CCDC9B: variants seen among roughly 807,000 people sequenced by gnomAD.
The protein encoded by CCDC9B is coiled-coil domain containing 9B, also known as coiled-coil domain-containing protein 9B.
CCDC9B carries 40 observed loss-of-function variants against 47.2 expected under a neutral mutation model. The observed-to-expected ratio is 0.85, with a 90% CI of 0.66 to 1.10. CCDC9B has a LOEUF of 1.10. Ranked by LOEUF, CCDC9B falls within the 50% of genes least tolerant of loss-of-function variation. CCDC9B has a pLI of 0.00. For missense variants in CCDC9B, 662 were observed against 651.0 expected (o/e 1.02, Z -0.18); for synonymous variants, 238 against 250.7 (o/e 0.95, Z 0.48).
intron 2 of CCDC9B, 71 bp from the exon 3 acceptor site, chr15:40,339,690 C>A (rs1007668642): frequency 6.3e-7 from 1 of 1,595,612 alleles, no homozygotes; most frequent in Non-Finnish European, 8.5e-7. Context: ...GCTGATAGGC[C>A]TACACAGAGA....
At chr15:40,338,131 A>G in intron 5 of CCDC9B, 1 of 723,620 alleles carries the variant, frequency 1.4e-6, no homozygotes, top group Non-Finnish European at 2.6e-6. Context: ...TCTCCGTAGC[A>G]CCAACCCACA....
intron 6 of CCDC9B, 116 bp from the exon 7 acceptor site, chr15:40,337,562 G>C: frequency 5.9e-6 from 7 of 1,195,044 alleles, no homozygotes; most frequent in Non-Finnish European, 8.1e-6. Flanking sequence ...GAGATGGTGG[G>C]CCCAAGAAAG....
chr15:40,338,384 C>G, intron 5 of CCDC9B, 151 bp downstream of exon 5: 1 of 917,576 alleles, frequency 1.1e-6, no homozygotes, highest in Non-Finnish European at 1.7e-6. Context: ...AAAGTAGAGA[C>G]TGGCCAGAGA....
chr15:40,339,585 C>G lies in CCDC9B; in HGVS notation c.158G>C (p.Gly53Ala), dbSNP rs532044322. 33 of 1,613,732 alleles carry G rather than the reference C, an allele frequency of 2.0e-5. No individual in the cohort carries two copies. In the African/African-American group the frequency reaches 3.9e-4, roughly 19 times the overall value. The stretch of plus-strand genomic sequence containing the variant: ...TGCTGGTGTGGTCACAGCCATCCCC[C>G]CCTGCTCTGCCTGCCGACGGTCCTC... ...IQEDRRQAEQ[G>A]GMAVTTPALL... Residue 53 changes from glycine to alanine, a missense_variant, in exon 3 of 11, where the codon GGG becomes GCG. Coordinates refer to ENST00000397536, the MANE Select transcript of CCDC9B (RefSeq NM_207380.3).
rs1354886641 is a variant in CCDC9B at position 40,336,767 on chromosome 15, A to C, written c.789T>G (p.Asp263Glu). The C allele has an allele frequency of 1.9e-6, 3 of 1,599,768 alleles. No homozygotes were observed. The highest frequency in any genetic ancestry group is 2.6e-6 in the Non-Finnish European group (3 of 1,174,058). ...TCCTCCTCCCCAACTCACCTTTTCC[A>C]TCAGGGAGCAATGGTGGGGGCTGTA... ...QKLQPPPLLPDGKGRGGQASR... is the reference protein window; with the variant it reads ...QKLQPPPLLPEGKGRGGQASR... Residue 263 changes from aspartate to glutamate, a missense_variant, in exon 8 of 11, where the codon GAT becomes GAG. Asp to Glu is a conservative substitution (Grantham distance 45, BLOSUM62 2). Transcript: ENST00000397536.
chr15:40,334,971 T>C lies in CCDC9B; in HGVS notation c.*187A>G. ...GTGAAAACACACATGTGCACAGAGATGAGCGTGTGAGGTGCAGGGAGGCCA... is the reference window on the plus strand; with the variant it reads ...GTGAAAACACACATGTGCACAGAGACGAGCGTGTGAGGTGCAGGGAGGCCA... On this transcript the variant is annotated 3_prime_UTR_variant, in exon 11 of 11. Coordinates refer to ENST00000397536, the MANE Select transcript of CCDC9B (RefSeq NM_207380.3). The C allele has an allele frequency of 2.0e-6, 1 of 499,752 alleles. No individual in the cohort carries two copies. Among genetic ancestry groups the C allele is most frequent in the Non-Finnish European group, 3.5e-6 (1 of 282,732 alleles). 31.0% of individuals were successfully genotyped at this position (499,752 alleles called of 1,614,324 possible). A position where few individuals can be genotyped will look rare whatever the true frequency, so the allele number is the denominator to read the frequency against.
chr15:40,337,511 C>A (rs1263163635), intron 6 of CCDC9B, 65 bp from the exon 7 acceptor site: 8 of 1,407,136 alleles, frequency 5.7e-6, no homozygotes, highest in African/African-American at 1.4e-5. Context: ...ACCCTGACAC[C>A]CCCCTCCCCG....
chr15:40,339,536 G>T lies in CCDC9B; in HGVS notation c.207C>A (p.Thr69=). 1 of 1,613,660 alleles carries T rather than the reference G, an allele frequency of 6.2e-7. No homozygotes were observed. Among genetic ancestry groups the T allele is most frequent in the Non-Finnish European group, 8.5e-7 (1 of 1,179,792 alleles). The change falls in exon 3 of 11, where the codon ACC becomes ACA. Residue 69 remains threonine, a synonymous_variant. Transcript: ENST00000397536. The part of the protein sequence containing the change: ...TPALLQPDGL[T]VTISQVPGEK... ...CACCGGGAACCTGGCTGATGGTAAC[G>T]GTGAGGCCATCAGGCTGGAGGAGTG...
intron 9 of CCDC9B, chr15:40,336,185 C>T: frequency 1.0e-6 from 1 of 985,468 alleles, no homozygotes; most frequent in Non-Finnish European, 1.2e-6. Context: ...CCCACCAAGC[C>T]TGACCTTGTT....
In CCDC9B at chr15:40,339,622, G is replaced by T; in HGVS notation, c.124-3C>A. On this transcript the variant is annotated splice_region_variant and splice_polypyrimidine_tract_variant and intron_variant, in intron 2 of 10. Coordinates refer to ENST00000397536, the MANE Select transcript of CCDC9B (RefSeq NM_207380.3). Reference sequence around the variant, plus strand: ...TGCCGACGGTCCTCCTGGATCTCCTGTGGGAGGGCTGGGGGTCAGCACACG... The same window carrying T: ...TGCCGACGGTCCTCCTGGATCTCCTTTGGGAGGGCTGGGGGTCAGCACACG... 5 of 1,612,774 alleles carry T rather than the reference G, an allele frequency of 3.1e-6. No homozygotes were observed. Among genetic ancestry groups the T allele is most frequent in the East Asian group, 2.2e-5 (1 of 44,848 alleles).
intron 9 of CCDC9B, chr15:40,336,278 C>G: frequency 2.0e-6 from 2 of 985,440 alleles, no homozygotes; most frequent in Non-Finnish European, 2.4e-6. Flanking sequence ...GCCAAACTTG[C>G]AGCACCTTGA....
rs759512290 is a variant in CCDC9B at position 40,335,609 on chromosome 15, G to A, written c.1022C>T (p.Ala341Val). The A allele has an allele frequency of 6.7e-7, 1 of 1,500,130 alleles. No individual in the cohort carries two copies. 92.9% of individuals were successfully genotyped at this position (1,500,130 alleles called of 1,614,324 possible). ...MEQGRLGSAP[A>V]ASPALASPEG... ...TGGGGATGCCAGGGCTGGGCTGGCT[G>A]CAGGGGCGCTCCCCAGTCGGCCCTG... Residue 341 changes from alanine (A) to valine (V), a missense_variant, in exon 11 of 11, where the codon GCA (alanine) becomes GTA (valine). Physicochemically the swap from Ala to Val is moderately conservative, Grantham distance 64 (BLOSUM62 0). Transcript: ENST00000397536.
At chr15:40,337,688 C>G in intron 6 of CCDC9B, 36 bp downstream of exon 6, 1 of 1,561,284 alleles carries the variant, frequency 6.4e-7, no homozygotes, top group Non-Finnish European at 8.6e-7. Flanking sequence ...AGCTCCATCC[C>G]GCACCACAGG....
Position 40,339,952 on chromosome 15 carries a change from T to C in CCDC9B, c.76A>G (p.Ile26Val), listed in dbSNP as rs1209064576. ...QEKDAELDRR[I>V]VALRKKNQAL... ...TGGTTCTTCTTGCGCAGGGCAACTATCCTCCGATCCAGCTCTGCGTCCTTC... is the reference window on the plus strand; with the variant it reads ...TGGTTCTTCTTGCGCAGGGCAACTACCCTCCGATCCAGCTCTGCGTCCTTC... Residue 26 changes from isoleucine (I) to valine (V), a missense_variant, in exon 2 of 11, where the codon ATA becomes GTA. By Grantham distance (29) the Ile-to-Val change is conservative (BLOSUM62 3). Transcript: ENST00000397536. The C allele has an allele frequency of 6.2e-7, 1 of 1,613,900 alleles. No homozygotes were observed. Among genetic ancestry groups the C allele is most frequent in the Non-Finnish European group, 8.5e-7 (1 of 1,179,936 alleles).
intron 7 of CCDC9B, chr15:40,337,108 T>G: frequency 1.6e-6 from 1 of 614,786 alleles, no homozygotes; most frequent in Non-Finnish European, 2.9e-6. Flanking sequence ...CCACCAGGAC[T>G]TTCACCCTTT....
chr15:40,340,852 A>G lies in CCDC9B; in HGVS notation c.-33T>C, dbSNP rs1234236273. ...GCGGGCACCGAGAGAATTCCAGAGC[A>G]GCCCCTGGGGAGCCAGAGTGGGAGG... is the stretch of plus-strand genomic sequence containing the variant. On this transcript the variant is annotated 5_prime_UTR_variant, in exon 1 of 11. Coordinates refer to ENST00000397536, the MANE Select transcript of CCDC9B (RefSeq NM_207380.3). 1.2e-6 allele frequency: 2 copies of G among 1,608,636 alleles called. No homozygotes were observed. The highest frequency in any genetic ancestry group is 1.7e-5 in the Admixed American group (1 of 59,524).
rs965303715 is a variant in CCDC9B at position 40,340,694 on chromosome 15, C to T, written c.12+114G>A. The T allele has an allele frequency of 5.1e-6, 5 of 975,814 alleles. No individual in the cohort carries two copies. The East Asian group carries it at 1.1e-4, about 21-fold the overall frequency. 60.4% of individuals were successfully genotyped at this position (975,814 alleles called of 1,614,324 possible). The stretch of plus-strand genomic sequence containing the variant: ...TTCTCTGTTGTGACCCTAGTCACAG[C>T]CTTCTTCCTCCCAGCCCCAGCTGTC... On this transcript the variant is annotated intron_variant, in intron 1 of 10. Transcript: ENST00000397536.
intron 7 of CCDC9B, chr15:40,337,184 C>G (rs1015497264): frequency 7.1e-6 from 5 of 707,662 alleles, no homozygotes; most frequent in Non-Finnish European, 1.3e-5. Flanking sequence ...CTGCTCAGAA[C>G]CTGGACAAGA....
At chr15:40,337,167 G>A in intron 7 of CCDC9B, 1 of 674,134 alleles carries the variant, frequency 1.5e-6, no homozygotes, top group Non-Finnish European at 2.7e-6. Flanking sequence ...CCTCCTTCTG[G>A]GGCCTTCTGC....
Sources: allele counts gnomAD v4.1 joint callset, GRCh38; gene constraint gnomAD v4.1.1; transcripts MANE v1.5; gene names NCBI Gene and HGNC (gene_info 2026-07-23, HGNC 2026-07-21).